RO60: variants seen among roughly 807,000 people sequenced by gnomAD.
RO60 encodes the protein RNA-binding protein RO60.
In RO60, 20 loss-of-function variants were observed where a neutral mutation model predicts 55.3. The ratio of observed to expected loss-of-function variants is 0.36; its 90% confidence interval spans 0.25 to 0.53. The LOEUF is 0.53. Ranked by LOEUF, RO60 falls within the 20% of genes least tolerant of loss-of-function variation. The pLI, the probability that RO60 is intolerant of heterozygous loss-of-function variation, is 0.92. For synonymous variants in RO60, 213 were observed against 213.6 expected (o/e 1.00, Z 0.02); for missense variants, 558 against 646.6 (o/e 0.86, Z 1.49).
In RO60 at chr1:193,088,899, C is replaced by T. The variant is rs1259128700; in HGVS notation, c.*4168C>T. On this transcript the variant is annotated 3_prime_UTR_variant, in exon 9 of 9. Coordinates refer to ENST00000400968, the MANE Select transcript of RO60 (RefSeq NM_001173524.2). Reference sequence around the variant, plus strand: ...TTTTTCTTTTAAAATTCCTTTCTTACATTTCTGTTGTTTCTTTTTCTAGTC... The same window carrying T: ...TTTTTCTTTTAAAATTCCTTTCTTATATTTCTGTTGTTTCTTTTTCTAGTC... 6.6e-6 allele frequency: 1 copy of T among 151,878 alleles called. No homozygotes were observed. The highest frequency in any genetic ancestry group is 2.4e-5 in the African/African-American group (1 of 41,352). The allele number at this position is 151,878 out of a possible 1,614,324, so 9.4% of individuals were successfully genotyped here.
At chr1:193,081,854 G>C (rs1674336199) in intron 6 of RO60, among the ~76,000 whole-genome samples, 3 of 152,062 alleles carry the variant, frequency 2.0e-5, no homozygotes, top group Admixed American at 6.5e-5. Context: ...ACTAATAGGA[G>C]TGTCTAGAGA....
chr1:193,085,499 A>G lies in RO60; in HGVS notation c.*768A>G. On this transcript the variant is annotated 3_prime_UTR_variant, in exon 9 of 9. Coordinates refer to ENST00000400968, the MANE Select transcript of RO60 (RefSeq NM_001173524.2). ...TTGCTACAAGGGGTGTGACTTGATA[A>G]TGATTTCCTCTGAATTATAATAACA... The G allele has an allele frequency of 1.0e-6, 1 of 984,948 alleles. No homozygotes were observed. The highest frequency in any genetic ancestry group is 1.2e-6 in the Non-Finnish European group (1 of 829,866). The allele number at this position is 984,948 out of a possible 1,614,324, so 61.0% of individuals were successfully genotyped here.
rs1674636523 is a variant in RO60, at chr1:193,086,656, G to A, written c.*1925G>A. On this transcript the variant is annotated 3_prime_UTR_variant, in exon 9 of 9. Transcript: ENST00000400968. ...GTTAAATAGAATATAGTACAAAAGT[G>A]CATTACCTTCAGTTGTGTACTATTT... 6.6e-6 allele frequency: 1 copy of A among 152,076 alleles called. No homozygotes were observed. The highest frequency in any genetic ancestry group is 2.1e-4 in the South Asian group (1 of 4,832). 9.4% of individuals were successfully genotyped at this position (152,076 alleles called of 1,614,324 possible).
In RO60 at chr1:193,082,259, C is replaced by T. The variant is rs760631973; in HGVS notation, c.1277C>T (p.Thr426Ile). Residue 426 changes from threonine (T) to isoleucine (I), a missense_variant, in exon 7 of 9, where the codon ACA (threonine) becomes ATA (isoleucine). By Grantham distance (89) the Thr-to-Ile change is moderately conservative. Transcript: ENST00000400968. The part of the protein sequence containing the change: ...SDEMVPCPVT[T>I]DMTLQQVLMA... ...GAAATGGTACCATGTCCAGTGACTA[C>T]AGATATGACCTTACAACAGGTTTTA... 3.1e-6 allele frequency: 5 copies of T among 1,613,026 alleles called. No homozygotes were observed. The Admixed American group carries it at 5.0e-5, about 16-fold the overall frequency.
rs534821329 is a variant in RO60, at chr1:193,085,445, CTTTT to C, written c.*723_*726del. 11 of 785,618 alleles carry C rather than the reference CTTTT, an allele frequency of 1.4e-5. No individual in the cohort carries two copies. The highest frequency in any genetic ancestry group is 9.9e-5 in the African/African-American group (5 of 50,256). The allele number at this position is 785,618 out of a possible 1,614,324, so 48.7% of individuals were successfully genotyped here. On this transcript the variant is annotated 3_prime_UTR_variant, in exon 9 of 9. Coordinates refer to ENST00000400968, the MANE Select transcript of RO60 (RefSeq NM_001173524.2). The stretch of plus-strand genomic sequence containing the variant: ...TGGCTGAGGGATTCTATTTGGTTTG[CTTTT>C]TTTTTTTTGCTTTGTTATATTTTAT...
In RO60 at chr1:193,088,840, CTT is replaced by C. The variant is rs1394231086; in HGVS notation, c.*4110_*4111del. 2.6e-5 allele frequency: 4 copies of C among 152,110 alleles called. No homozygotes were observed. Among genetic ancestry groups the C allele is most frequent in the Admixed American group, 2.6e-4 (4 of 15,280 alleles). The allele number at this position is 152,110 out of a possible 1,614,324, so 9.4% of individuals were successfully genotyped here. A position where few individuals can be genotyped will look rare whatever the true frequency, so the allele number is the denominator to read the frequency against. Reference sequence around the variant, plus strand: ...TTCCTTGATGTCTGTTTCCTCATCTCTTATTTGTTGGAAGATTACTTTTCTAC... The same window carrying C: ...TTCCTTGATGTCTGTTTCCTCATCTCATTTGTTGGAAGATTACTTTTCTAC... On this transcript the variant is annotated 3_prime_UTR_variant, in exon 9 of 9. Transcript: ENST00000400968.
intron 2 of RO60, chr1:193,070,458 A>G: frequency 3.1e-6 from 1 of 321,426 alleles, no homozygotes; most frequent in South Asian, 2.3e-5. Context: ...GAAAAGAAAT[A>G]AGAAAAACTC....
At chr1:193,068,593 C>T (rs957334354) in intron 1 of RO60, among the ~76,000 whole-genome samples, 17 of 152,276 alleles carry the variant, frequency 1.1e-4, no homozygotes, top group Admixed American at 2.0e-4. Context: ...TTCTTTTATT[C>T]TCTGTGTGGG....
rs1250155811 is a variant in RO60 at position 193,069,287 on chromosome 1, A to T, written c.233A>T (p.Lys78Met). 1 of 1,614,236 alleles carries T rather than the reference A, an allele frequency of 6.2e-7. No homozygotes were observed. The highest frequency in any genetic ancestry group is 1.1e-5 in the South Asian group (1 of 91,078). Residue 78 changes from lysine (K) to methionine (M), a missense_variant, in exon 2 of 9, where the codon AAG becomes ATG. Physicochemically the swap from Lys to Met is moderately conservative, Grantham distance 95 (BLOSUM62 -1). Coordinates refer to ENST00000400968, the MANE Select transcript of RO60 (RefSeq NM_001173524.2). ...GRGCEVIQEI[K>M]SFSQEGRTTK... ...GGATGTGAAGTGATACAAGAAATAA[A>T]GTCATTTAGTCAAGAAGGCAGAACC...
Position 193,059,864 on chromosome 1 carries a change from C to CGTAGCCTTGCA in RO60, c.-22+89_-22+90insTAGCCTTGCAG. 1 of 1,364,112 alleles carries CGTAGCCTTGCA rather than the reference C, an allele frequency of 7.3e-7. No individual in the cohort carries two copies. Among genetic ancestry groups the CGTAGCCTTGCA allele is most frequent in the Non-Finnish European group, 9.8e-7 (1 of 1,020,852 alleles). 84.5% of individuals were successfully genotyped at this position (1,364,112 alleles called of 1,614,324 possible). Reference sequence around the variant, plus strand: ...TGACCAGTCCTCCATGTCTCTCACCCGCATCCCAGGGGTTGAGGCTGGGCA... The same window carrying CGTAGCCTTGCA: ...TGACCAGTCCTCCATGTCTCTCACCCGTAGCCTTGCAGCATCCCAGGGGTTGAGGCTGGGCA... On this transcript the variant is annotated intron_variant, in intron 1 of 8. Coordinates refer to ENST00000400968, the MANE Select transcript of RO60 (RefSeq NM_001173524.2). This position sits in a 1 kb window ranked among gnomAD's most constrained non-coding sequence, Gnocchi z 4.9.
rs1467523963 is a variant in RO60, at chr1:193,089,471, T to C, written c.*4740T>C. The C allele has an allele frequency of 3.3e-5, 5 of 152,198 alleles. No homozygotes were observed. Among genetic ancestry groups the C allele is most frequent in the Non-Finnish European group, 7.4e-5 (5 of 68,026 alleles). The allele number at this position is 152,198 out of a possible 1,614,324, so 9.4% of individuals were successfully genotyped here. ...TTTTGAAAATTATGAAGTTAAAATTTAATTCTAAGGTAGTATTTTTCATGT... is the reference window on the plus strand; with the variant it reads ...TTTTGAAAATTATGAAGTTAAAATTCAATTCTAAGGTAGTATTTTTCATGT... On this transcript the variant is annotated 3_prime_UTR_variant, in exon 9 of 9. Coordinates refer to ENST00000400968, the MANE Select transcript of RO60 (RefSeq NM_001173524.2).
At chr1:193,077,577 A>G (rs1466403085) in intron 5 of RO60, among the ~76,000 whole-genome samples, 4 of 152,174 alleles carry the variant, frequency 2.6e-5, no homozygotes, top group African/African-American at 9.7e-5. Context: ...TCACAAGAAC[A>G]GTATAGGGGA....
In RO60 at chr1:193,077,208, G is replaced by A. The variant is rs149901907; in HGVS notation, c.1086+158G>A. Among the ~76,000 whole-genome samples, 40 of 152,120 alleles carry A rather than the reference G, an allele frequency of 2.6e-4. 1 individual carries two copies. The highest frequency in any genetic ancestry group is 7.7e-4 in the African/African-American group (32 of 41,486). Reference sequence around the variant, plus strand: ...ATGTGGTGAGTATATAATTAATATCGTGTAAGTTTAAGAGTAAAGTATTTC... The same window carrying A: ...ATGTGGTGAGTATATAATTAATATCATGTAAGTTTAAGAGTAAAGTATTTC... On this transcript the variant is annotated intron_variant, in intron 5 of 8. Transcript: ENST00000400968.
Position 193,084,800 on chromosome 1 carries a change from C to T in RO60, c.*69C>T, listed in dbSNP as rs796070915. 7.7e-6 allele frequency: 12 copies of T among 1,560,202 alleles called. No homozygotes were observed. The African/African-American group carries it at 1.6e-4, about 21-fold the overall frequency. ...TCTCACTAAAAATATACAGCTACTTCCCAGCTAATCTCCACCCAATGAATG... is the reference window on the plus strand; with the variant it reads ...TCTCACTAAAAATATACAGCTACTTTCCAGCTAATCTCCACCCAATGAATG... On this transcript the variant is annotated 3_prime_UTR_variant, in exon 9 of 9. Transcript: ENST00000400968.
intron 5 of RO60, among the ~76,000 whole-genome samples, 190 bp from the exon 6 acceptor site, chr1:193,081,174 A>T (rs866430049): frequency 1.3e-5 from 2 of 151,352 alleles, no homozygotes; most frequent in African/African-American, 4.9e-5. Flanking sequence ...TATTTTTATT[A>T]TTTTTTTTTA....
rs1674774620 is a variant in RO60, at chr1:193,089,681, A to G, written c.*4950A>G. On this transcript the variant is annotated 3_prime_UTR_variant, in exon 9 of 9. Coordinates refer to ENST00000400968, the MANE Select transcript of RO60 (RefSeq NM_001173524.2). The stretch of plus-strand genomic sequence containing the variant: ...TTATTTTCAGTGAGAATGAATTTAT[A>G]TATACAACAAAAATATACAAAAGCT... 1 of 152,152 alleles carries G rather than the reference A, an allele frequency of 6.6e-6. No homozygotes were observed. Among genetic ancestry groups the G allele is most frequent in the South Asian group, 2.1e-4 (1 of 4,834 alleles). The allele number at this position is 152,152 out of a possible 1,614,324, so 9.4% of individuals were successfully genotyped here. A position where few individuals can be genotyped will look rare whatever the true frequency, so the allele number is the denominator to read the frequency against.
rs1301953742 is a variant in RO60 at position 193,088,966 on chromosome 1, C to T, written c.*4235C>T. 1 of 151,738 alleles carries T rather than the reference C, an allele frequency of 6.6e-6. No individual in the cohort carries two copies. Among genetic ancestry groups the T allele is most frequent in the Non-Finnish European group, 1.5e-5 (1 of 67,798 alleles). 9.4% of individuals were successfully genotyped at this position (151,738 alleles called of 1,614,324 possible). On this transcript the variant is annotated 3_prime_UTR_variant, in exon 9 of 9. Transcript: ENST00000400968. ...ATAAAATGAATGACAGGAAAGTCAC[C>T]CACATAGAGGTTTGGGATGAACCTT...
Position 193,088,412 on chromosome 1 carries a change from C to T in RO60, c.*3681C>T, listed in dbSNP as rs570621757. 1 of 150,982 alleles carries T rather than the reference C, an allele frequency of 6.6e-6. No individual in the cohort carries two copies. The highest frequency in any genetic ancestry group is 2.1e-4 in the South Asian group (1 of 4,808). 9.4% of individuals were successfully genotyped at this position (150,982 alleles called of 1,614,324 possible). On this transcript the variant is annotated 3_prime_UTR_variant, in exon 9 of 9. Transcript: ENST00000400968. ...TTTTTTTCTTATTTTCTAGATTTTACAGAAACAATGTGAAATTATTTTGGA... is the reference window on the plus strand; with the variant it reads ...TTTTTTTCTTATTTTCTAGATTTTATAGAAACAATGTGAAATTATTTTGGA...
In RO60 at chr1:193,086,218, A is replaced by G. The variant is rs953353462; in HGVS notation, c.*1487A>G. 1.8e-5 allele frequency: 3 copies of G among 168,304 alleles called. No homozygotes were observed. Among genetic ancestry groups the G allele is most frequent in the Non-Finnish European group, 2.4e-5 (2 of 83,068 alleles). 10.4% of individuals were successfully genotyped at this position (168,304 alleles called of 1,614,324 possible). A position where few individuals can be genotyped will look rare whatever the true frequency, so the allele number is the denominator to read the frequency against. ...AAAGGGGGACTTTAGTAGTCTGAGG[A>G]TTTCTGTACATATTTTCTTCTGTTT... is the stretch of plus-strand genomic sequence containing the variant. On this transcript the variant is annotated 3_prime_UTR_variant, in exon 9 of 9. Transcript: ENST00000400968.
Sources: allele counts gnomAD v4.1 joint callset (sites outside exome capture counted in the v4.1 genomes callset), GRCh38; gene constraint gnomAD v4.1.1; non-coding constraint Gnocchi (gnomAD v3.1); transcripts MANE v1.5; gene names NCBI Gene and HGNC (gene_info 2026-07-23, HGNC 2026-07-21).